PTK2: variants seen among roughly 807,000 people sequenced by gnomAD.
The protein encoded by PTK2 is focal adhesion kinase 1.
In PTK2, 45 loss-of-function variants were observed where a neutral mutation model predicts 150.1. That is an observed-to-expected ratio of 0.30 (90% CI 0.24 to 0.38). The LOEUF (loss-of-function observed/expected upper bound fraction) is 0.38. Ranked by LOEUF, PTK2 falls within the 10% of genes least tolerant of loss-of-function variation. The probability of loss-of-function intolerance (pLI) is 1.00; values close to 1 mark genes in which losing one functional copy is unlikely to be tolerated. For missense variants in PTK2, 919 were observed against 1,307.3 expected (o/e 0.70, Z 4.58); for synonymous variants, 432 against 449.2 (o/e 0.96, Z 0.48).
intron 2 of PTK2, among the ~76,000 whole-genome samples, chr8:140,904,643 T>G (rs2100160121): frequency 6.6e-6 from 1 of 152,188 alleles, no homozygotes; most frequent in African/African-American, 2.4e-5. Context: ...TTTTTTTGGT[T>G]GGTAGGCTAT....
chr8:140,810,647 C>T (rs996370274), intron 10 of PTK2, among the ~76,000 whole-genome samples: 2 of 152,164 alleles, frequency 1.3e-5, no homozygotes, highest in African/African-American at 4.8e-5. Flanking sequence ...GCAGGTATTG[C>T]CTTCCGTGCC....
chr8:140,711,347 T>A (rs1453778450), intron 23 of PTK2, among the ~76,000 whole-genome samples: 3 of 152,224 alleles, frequency 2.0e-5, no homozygotes, highest in African/African-American at 7.2e-5. Context: ...CCTCAAGTGA[T>A]CAGCTCATCT....
chr8:140,819,104 C>A, intron 8 of PTK2, 84 bp from the exon 9 acceptor site: 1 of 1,388,478 alleles, frequency 7.2e-7, no homozygotes, highest in Non-Finnish European at 9.7e-7. Flanking sequence ...TTCTTTCCTA[C>A]CAACTACTTA....
chr8:140,842,359 A>ACT (rs778415510), intron 7 of PTK2, among the ~76,000 whole-genome samples: 8 of 151,996 alleles, frequency 5.3e-5, no homozygotes, highest in Non-Finnish European at 1.0e-4. Context: ...CTTTAAAGAA[A>ACT]CTCTACAGTT....
intron 29 of PTK2, 75 bp downstream of exon 32, chr8:140,674,223 G>T: frequency 7.2e-7 from 1 of 1,382,190 alleles, no homozygotes; most frequent in Non-Finnish European, 1.0e-6. Context: ...TCTATGACAT[G>T]AACACATCAA....
At chr8:140,895,312 G>A (rs2100155722) in intron 2 of PTK2, among the ~76,000 whole-genome samples, 1 of 152,106 alleles carries the variant, frequency 6.6e-6, no homozygotes, top group Admixed American at 6.5e-5. Flanking sequence ...AGGACAGCTT[G>A]AGGCCAGGAG....
chr8:140,928,997 G>A lies in PTK2; in HGVS notation c.-121-3248C>T, dbSNP rs1476175148. On this transcript the variant is annotated intron_variant, in intron 1 of 31. Coordinates refer to ENST00000522684, the Ensembl canonical transcript of PTK2. The stretch of plus-strand genomic sequence containing the variant: ...TTTTTTTTTTTTGAGACGGAGTCTC[G>A]CTCTGTCGCCCAGGCTGGAGTGCAG... Among the ~76,000 whole-genome samples the A allele has an allele frequency of 5.6e-5, 6 of 106,640 alleles. No homozygotes were observed. The Admixed American group carries it at 9.0e-4, about 16-fold the overall frequency. 70.0% of individuals were successfully genotyped at this position (106,640 alleles called of 152,430 possible).
intron 1 of PTK2, among the ~76,000 whole-genome samples, chr8:140,996,909 T>A (rs926362547): frequency 6.6e-6 from 1 of 152,196 alleles, no homozygotes; most frequent in Non-Finnish European, 1.5e-5. Context: ...TTAAATATAT[T>A]TCATAAGGGT....
intron 13 of PTK2, among the ~76,000 whole-genome samples, chr8:140,791,225 G>A (rs1420185370): frequency 6.6e-6 from 1 of 152,060 alleles, no homozygotes; most frequent in Non-Finnish European, 1.5e-5. Context: ...ACCCAGACTC[G>A]AGTGTGGTTG....
exon 10 of PTK2, chr8:140,818,286 C>T (rs1297792567): frequency 6.2e-7 from 1 of 1,613,274 alleles, no homozygotes; most frequent in Non-Finnish European, 8.5e-7. Context: ...CATTGCAGCC[C>T]TTGTCCGTTA....
chr8:140,962,880 C>CA (rs1569505028), intron 1 of PTK2, among the ~76,000 whole-genome samples: 1 of 151,802 alleles, frequency 6.6e-6, no homozygotes, highest in Non-Finnish European at 1.5e-5. Context: ...AGGTCCCCCC[C>CA]CCCAACCCAA....
At chr8:140,674,520 A>T in intron 28 of PTK2, 116 bp from the exon 32 acceptor site, 1 of 851,556 alleles carries the variant, frequency 1.2e-6, no homozygotes, top group Non-Finnish European at 1.9e-6. Flanking sequence ...CGGGCAGATC[A>T]CCTGAGGTCA....
chr8:140,947,879 AAAT>A (rs1053803502), intron 1 of PTK2, among the ~76,000 whole-genome samples: 4 of 152,106 alleles, frequency 2.6e-5, no homozygotes, highest in East Asian at 3.9e-4. Context: ...CTCGGACAAA[AAAT>A]AATAATAATA....
At chr8:140,753,372 G>A (rs546166431) in intron 16 of PTK2, among the ~76,000 whole-genome samples, 39 of 152,236 alleles carry the variant, frequency 2.6e-4, no homozygotes, top group Admixed American at 7.2e-4. Flanking sequence ...GATGTAATAA[G>A]CTTGAGATGT....
chr8:140,698,056 C>G (rs868199716), intron 26 of PTK2, among the ~76,000 whole-genome samples: 4 of 151,942 alleles, frequency 2.6e-5, no homozygotes. Flanking sequence ...ATTTCCTGAG[C>G]CTGTCTGCCC....
At chr8:140,959,636 G>T (rs573721931) in intron 1 of PTK2, among the ~76,000 whole-genome samples, 5 of 150,480 alleles carry the variant, frequency 3.3e-5, no homozygotes, top group Admixed American at 6.6e-5. Context: ...CTACGTTTTT[G>T]ATTTTCAAAA....
intron 16 of PTK2, among the ~76,000 whole-genome samples, chr8:140,753,796 G>C (rs2100064105): frequency 6.6e-6 from 1 of 152,026 alleles, no homozygotes; most frequent in Admixed American, 6.6e-5. Context: ...TAAGTTTCAA[G>C]ACAGCAAGTA....
At chr8:140,770,358 T>G (rs549127618) in intron 14 of PTK2, among the ~76,000 whole-genome samples, 1 of 152,308 alleles carries the variant, frequency 6.6e-6, no homozygotes, top group Non-Finnish European at 1.5e-5. Flanking sequence ...CTTCATTCAG[T>G]TGCATGCTAT....
Position 140,818,893 on chromosome 8 carries a change from T to C in PTK2, c.776A>G (p.Lys259Arg), listed in dbSNP as rs766073665. The C allele has an allele frequency of 9.9e-6, 16 of 1,613,394 alleles. No homozygotes were observed. The highest frequency in any genetic ancestry group is 1.6e-4 in the Middle Eastern group (1 of 6,080). The change falls in exon 9 of 32, where the codon AAG (lysine) becomes AGG (arginine). Residue 259 changes from lysine to arginine, a missense_variant. Coordinates refer to ENST00000522684, the Ensembl canonical transcript of PTK2. ...TCCCATACTTACACCAAGAGCACACTTGAAGCATTCCTTATCAAATCTGTA... is the reference window on the plus strand; with the variant it reads ...TCCCATACTTACACCAAGAGCACACCTGAAGCATTCCTTATCAAATCTGTA...
Sources: gnomAD v4.1 joint callset for allele counts (sites outside exome capture counted in the v4.1 genomes callset) on GRCh38, gnomAD v4.1.1 for gene constraint, MANE v1.5 for transcripts, NCBI Gene and HGNC (gene_info 2026-07-23, HGNC 2026-07-21) for gene names.